STPG2: variants seen among roughly 807,000 people sequenced by gnomAD.
STPG2 encodes sperm-tail PG-rich repeat-containing protein 2.
Under a neutral mutation model 54.2 loss-of-function variants are expected in STPG2, and 56 were observed. The observed-to-expected ratio is 1.03, with a 90% CI of 0.83 to 1.29. STPG2 has a LOEUF of 1.29. STPG2 is among the 50% of genes most tolerant of loss of function. The pLI is 0.00. For synonymous variants in STPG2, 200 were observed against 181.8 expected, an observed-to-expected ratio of 1.10 and a Z score of -0.81; for missense variants, 596 against 544.9, an observed-to-expected ratio of 1.09 and a Z score of -0.93.
At chr4:97,974,447 G>A (rs537376370) in intron 6 of STPG2, among the ~76,000 whole-genome samples, 139 of 152,294 alleles carry the variant, frequency 9.1e-4, no homozygotes, top group African/African-American at 3.2e-3. Context: ...TTAGAAATGT[G>A]AGGACGTGAG....
chr4:97,582,020 T>A (rs1424770018), intron 10 of STPG2, among the ~76,000 whole-genome samples: 1 of 152,058 alleles, frequency 6.6e-6, no homozygotes. Flanking sequence ...TATTATTTTA[T>A]AACTATTTTA....
chr4:98,008,832 G>A (rs2149280667), intron 5 of STPG2, among the ~76,000 whole-genome samples: 1 of 152,082 alleles, frequency 6.6e-6, no homozygotes, highest in East Asian at 1.9e-4. Flanking sequence ...CTCATTATTG[G>A]TCTGTTCAAT....
chr4:97,692,241 G>C (rs1723390635), intron 10 of STPG2, among the ~76,000 whole-genome samples: 1 of 149,236 alleles, frequency 6.7e-6, no homozygotes. Flanking sequence ...TAATCAAGAA[G>C]GCATCAGAGA....
At position 98,143,253 on chromosome 4, in the gene STPG2, G is replaced by A. The variant is rs1386390806; in HGVS notation, c.-103C>T. The stretch of plus-strand genomic sequence containing the variant: ...AAAAAGGAAGCCGACACCAGTCTGA[G>A]GAGGCCGGGAAAGAACTTCCGTAAA... On this transcript the variant is annotated 5_prime_UTR_variant, in exon 1 of 11. Coordinates refer to ENST00000295268, the MANE Select transcript of STPG2 (RefSeq NM_174952.3). 8.4e-6 allele frequency: 7 copies of A among 832,480 alleles called. No homozygotes were observed. The highest frequency in any genetic ancestry group is 3.4e-5 in the African/African-American group (2 of 57,976). The allele number at this position is 832,480 out of a possible 1,614,324, so 51.6% of individuals were successfully genotyped here. A position where few individuals can be genotyped will look rare whatever the true frequency, so the allele number is the denominator to read the frequency against.
At chr4:98,125,836 T>C (rs1278834746) in intron 3 of STPG2, among the ~76,000 whole-genome samples, 1 of 152,166 alleles carries the variant, frequency 6.6e-6, no homozygotes, top group Admixed American at 6.5e-5. Flanking sequence ...CCCAGGGAGA[T>C]CAGAGTCCTG....
chr4:97,470,616 G>T (rs1300013877), intron 4 of STPG2, among the ~76,000 whole-genome samples: 1 of 151,842 alleles, frequency 6.6e-6, no homozygotes, highest in Non-Finnish European at 1.5e-5. Context: ...ATAAATTAGG[G>T]ACAATAAGAA....
chr4:97,578,102 CTTTTTTT>C (rs10571752), intron 10 of STPG2, among the ~76,000 whole-genome samples: 1 of 115,984 alleles, frequency 8.6e-6, no homozygotes, highest in Non-Finnish European at 1.8e-5. Flanking sequence ...TTCTTTCTTT[CTTTTTTT>C]TTTTTTTTTT....
chr4:98,081,752 T>A (rs1027851320), intron 5 of STPG2, among the ~76,000 whole-genome samples: 7 of 152,192 alleles, frequency 4.6e-5, no homozygotes, highest in African/African-American at 1.7e-4. Flanking sequence ...AACATTTCAA[T>A]CTTGAGGATG....
chr4:97,797,470 G>C (rs1431491489), intron 9 of STPG2, among the ~76,000 whole-genome samples: 1 of 152,096 alleles, frequency 6.6e-6, no homozygotes, highest in East Asian at 1.9e-4. Context: ...CTTTGGTTCT[G>C]TTTATATGCT....
At chr4:98,050,154 T>G (rs1737272726) in intron 5 of STPG2, among the ~76,000 whole-genome samples, 1 of 152,136 alleles carries the variant, frequency 6.6e-6, no homozygotes, top group South Asian at 2.1e-4. Context: ...TATGAGGCAA[T>G]TGGGAAAATT....
At chr4:97,768,161 C>T (rs543390171) in intron 9 of STPG2, among the ~76,000 whole-genome samples, 28 of 131,134 alleles carry the variant, frequency 2.1e-4, no homozygotes, top group African/African-American at 8.0e-4. Context: ...AGCGAGACTC[C>T]GTCTCAAAAA....
At chr4:97,687,042 G>A (rs1363219629) in intron 10 of STPG2, among the ~76,000 whole-genome samples, 2 of 151,378 alleles carry the variant, frequency 1.3e-5, no homozygotes, top group African/African-American at 2.4e-5. Context: ...CCGGGTTCAC[G>A]CCATTCTCCT....
At chr4:98,141,224 T>A (rs1740272648) in intron 1 of STPG2, among the ~76,000 whole-genome samples, 1 of 152,222 alleles carries the variant, frequency 6.6e-6, no homozygotes, top group African/African-American at 2.4e-5. Flanking sequence ...ATCAAAATGT[T>A]TTACCTAAAA....
intron 9 of STPG2, among the ~76,000 whole-genome samples, chr4:97,824,326 A>G (rs2149107094): frequency 6.6e-6 from 1 of 152,208 alleles, no homozygotes; most frequent in East Asian, 1.9e-4. Flanking sequence ...TATTTTTACC[A>G]TTCATTCAAA....
At chr4:97,920,539 A>G (rs1406152323) in intron 8 of STPG2, among the ~76,000 whole-genome samples, 1 of 152,258 alleles carries the variant, frequency 6.6e-6, no homozygotes, top group East Asian at 1.9e-4. Context: ...GGATTCTCTG[A>G]GGTTCCTGTT....
intron 8 of STPG2, among the ~76,000 whole-genome samples, chr4:97,869,631 A>C (rs888586995): frequency 3.3e-5 from 5 of 151,608 alleles, no homozygotes; most frequent in Non-Finnish European, 7.4e-5. Flanking sequence ...AACTTATATA[A>C]GTCTACTCAG....
intron 8 of STPG2, among the ~76,000 whole-genome samples, chr4:97,910,068 A>G (rs1272488596): frequency 6.6e-6 from 1 of 152,204 alleles, no homozygotes; most frequent in East Asian, 1.9e-4. Context: ...TCTCTGCTCC[A>G]CAGAAATACC....
At chr4:97,973,293 C>A (rs1454878719) in intron 6 of STPG2, among the ~76,000 whole-genome samples, 1 of 152,052 alleles carries the variant, frequency 6.6e-6, no homozygotes, top group African/African-American at 2.4e-5. Flanking sequence ...TGGCATTTTG[C>A]CCCTGTCTTA....
chr4:97,874,970 C>A (rs1194421610), intron 8 of STPG2, among the ~76,000 whole-genome samples: 1 of 151,832 alleles, frequency 6.6e-6, no homozygotes, highest in Non-Finnish European at 1.5e-5. Flanking sequence ...TTAAGCCACC[C>A]AATTGAAGGT....
Sources: gnomAD v4.1 joint callset for allele counts (sites outside exome capture counted in the v4.1 genomes callset) on GRCh38, gnomAD v4.1.1 for gene constraint, MANE v1.5 for transcripts, NCBI Gene and HGNC (gene_info 2026-07-23, HGNC 2026-07-21) for gene names.